Variants in GRIK4 observed in about 807,000 individuals in gnomAD.
GRIK4 encodes glutamate receptor ionotropic, kainate 4.
GRIK4 carries 40 observed loss-of-function variants against 104.9 expected under a neutral mutation model. The ratio of observed to expected loss-of-function variants is 0.38; its 90% CI spans 0.30 to 0.50. The LOEUF is 0.50. Ranked by LOEUF, GRIK4 falls within the 20% of genes least tolerant of loss-of-function variation. The probability of loss-of-function intolerance (pLI) is 0.93; values close to 1 mark genes in which losing one functional copy is unlikely to be tolerated. For synonymous variants in GRIK4, 485 were observed against 524.9 expected, an observed-to-expected ratio of 0.92 and a Z score of 1.04; for missense variants, 1,047 against 1,308.1, an observed-to-expected ratio of 0.80 and a Z score of 3.08.
intron 3 of GRIK4, among the ~76,000 whole-genome samples, chr11:120,711,239 G>A (rs1044314797): frequency 3.9e-5 from 6 of 152,196 alleles, no homozygotes; most frequent in African/African-American, 1.4e-4. Flanking sequence ...CCTTTTAAGG[G>A]CAACAGTGGG....
intron 11 of GRIK4, among the ~76,000 whole-genome samples, chr11:120,878,638 C>A (rs1954883187): frequency 7.8e-6 from 1 of 127,904 alleles, no homozygotes. Flanking sequence ...TTCAACAAAT[C>A]TAGTGAGTGT....
At chr11:120,965,600 G>A (rs2134745054) in intron 18 of GRIK4, among the ~76,000 whole-genome samples, 1 of 152,326 alleles carries the variant, frequency 6.6e-6, no homozygotes, top group South Asian at 2.1e-4. Context: ...CAGGCTTGGG[G>A]TTTGGGCGTC....
Position 120,828,599 on chromosome 11 carries a change from A to G in GRIK4, c.512-3253A>G, listed in dbSNP as rs555671002. 3.3e-5 allele frequency among the ~76,000 whole-genome samples: 5 copies of G among 152,282 alleles called. 1 individual carries two copies. The highest frequency in any genetic ancestry group is 3.3e-4 in the Admixed American group (5 of 15,308). On this transcript the variant is annotated intron_variant, in intron 6 of 20. Coordinates refer to ENST00000527524, the MANE Select transcript of GRIK4 (RefSeq NM_014619.5). ...CTGTTGCCATAGTAACCTGCCTGGC[A>G]TTGCTGGGGTTGGCACTCATGTCCC...
chr11:120,593,439 C>A (rs562047112), intron 1 of GRIK4, among the ~76,000 whole-genome samples: 1 of 152,232 alleles, frequency 6.6e-6, no homozygotes, highest in South Asian at 2.1e-4. Flanking sequence ...CAGCAGCATT[C>A]GACACTTCCC....
chr11:120,738,648 C>A (rs151059337), intron 3 of GRIK4, among the ~76,000 whole-genome samples: 2,133 of 152,304 alleles, frequency 0.014, 19 homozygotes, highest in Middle Eastern at 0.031. Flanking sequence ...ACATGCAGGG[C>A]AAGCAGGGCC....
chr11:120,907,706 A>G (rs996352074), intron 13 of GRIK4, among the ~76,000 whole-genome samples: 8 of 151,828 alleles, frequency 5.3e-5, no homozygotes, highest in African/African-American at 1.9e-4. Flanking sequence ...CAGGGGAGGC[A>G]GAGTGGAAGG....
intron 1 of GRIK4, among the ~76,000 whole-genome samples, chr11:120,609,169 C>T (rs571878704): frequency 1.3e-5 from 2 of 152,310 alleles, no homozygotes; most frequent in East Asian, 3.9e-4. Context: ...CCTGTTTGGT[C>T]CCTCTCAGAG....
At chr11:120,628,895 ATATT>A (rs1203612502) in intron 1 of GRIK4, among the ~76,000 whole-genome samples, 17 of 152,276 alleles carry the variant, frequency 1.1e-4, no homozygotes, top group African/African-American at 4.1e-4. Context: ...CCTTTTTAAA[ATATT>A]TATTAAGCAA....
At position 120,549,279 on chromosome 11, in the gene GRIK4, T is replaced by A. The variant is rs189109602; in HGVS notation, c.-159+37392T>A. 0.018 allele frequency among the ~76,000 whole-genome samples: 2,310 copies of A among 125,402 alleles called. 21 individuals are homozygous for A. Among genetic ancestry groups the A allele is most frequent in the South Asian group, 0.026 (85 of 3,296 alleles). 82.3% of individuals were successfully genotyped at this position (125,402 alleles called of 152,430 possible). ...ACACCTGGCTAATTTTTGTATATAT[T>A]TTTTTTTAAGTAAAGTCGGGCTTTC... is the stretch of plus-strand genomic sequence containing the variant. On this transcript the variant is annotated intron_variant, in intron 1 of 20. Transcript: ENST00000527524. The surrounding 1 kb of genome is among the most constrained non-coding windows in gnomAD (Gnocchi z 4.7).
chr11:120,718,061 T>C (rs753091804), intron 3 of GRIK4, among the ~76,000 whole-genome samples: 2 of 152,180 alleles, frequency 1.3e-5, no homozygotes, highest in Non-Finnish European at 2.9e-5. Context: ...CAACACCTGA[T>C]TCCAGGAAAG....
intron 11 of GRIK4, among the ~76,000 whole-genome samples, chr11:120,893,303 T>C (rs1200663838): frequency 1.3e-5 from 2 of 152,258 alleles, no homozygotes; most frequent in African/African-American, 2.4e-5. Flanking sequence ...ACATTCTATG[T>C]ACGTGCAAAC....
intron 1 of GRIK4, among the ~76,000 whole-genome samples, chr11:120,547,993 G>C (rs758218242): frequency 6.6e-5 from 10 of 152,144 alleles, no homozygotes; most frequent in Non-Finnish European, 1.5e-4. Flanking sequence ...GCTGTGGGAG[G>C]GCACACATGG....
At chr11:120,984,229 G>C (rs673351) in intron 20 of GRIK4, among the ~76,000 whole-genome samples, 35,365 of 152,008 alleles carry the variant, frequency 0.23, 4,269 homozygotes, top group African/African-American at 0.3. Flanking sequence ...GAACAACTAT[G>C]CCATTGGTAG....
chr11:120,860,459 A>C (rs766907886), intron 8 of GRIK4, among the ~76,000 whole-genome samples: 9 of 152,178 alleles, frequency 5.9e-5, no homozygotes. Context: ...GCGTTATTGC[A>C]TGAGGACCAT....
intron 13 of GRIK4, among the ~76,000 whole-genome samples, chr11:120,925,539 T>C (rs1031052998): frequency 7.2e-5 from 11 of 152,196 alleles, no homozygotes; most frequent in African/African-American, 2.4e-4. Context: ...CCAGCTGTTT[T>C]GGCAGCCAGC....
chr11:120,946,577 T>C (rs1020111380), intron 14 of GRIK4, among the ~76,000 whole-genome samples: 1 of 152,224 alleles, frequency 6.6e-6, no homozygotes, highest in Admixed American at 6.5e-5. Context: ...GGTATATGTG[T>C]AAGATGGTGG....
In GRIK4 at chr11:120,934,406, C is replaced by T. The variant is rs559695828; in HGVS notation, c.1477-5941C>T. Among the ~76,000 whole-genome samples, 6 of 152,080 alleles carry T rather than the reference C, an allele frequency of 3.9e-5. No homozygotes were observed. In the East Asian group the frequency reaches 1.2e-3, roughly 30 times the overall value. ...CTCCTCATGCCATTCTCAGGAAGCCCGGAGTGGGAGCAGGGGGCCCAGGCA... is the reference window on the plus strand; with the variant it reads ...CTCCTCATGCCATTCTCAGGAAGCCTGGAGTGGGAGCAGGGGGCCCAGGCA... On this transcript the variant is annotated intron_variant, in intron 13 of 20. Coordinates refer to ENST00000527524, the MANE Select transcript of GRIK4 (RefSeq NM_014619.5).
Position 120,819,994 on chromosome 11 carries a change from G to T in GRIK4, c.511+74G>T. 2.1e-6 allele frequency: 3 copies of T among 1,436,322 alleles called. No homozygotes were observed. Among genetic ancestry groups the T allele is most frequent in the Non-Finnish European group, 2.9e-6 (3 of 1,032,580 alleles). 89.0% of individuals were successfully genotyped at this position (1,436,322 alleles called of 1,614,324 possible). On this transcript the variant is annotated intron_variant, in intron 6 of 20. Transcript: ENST00000527524. This position sits in a 1 kb window ranked among gnomAD's most constrained non-coding sequence, Gnocchi z 4.3. ...TTTTGCCCTGATTCCCTGTGCCCCT[G>T]GCTGGAGACCCTCCAGGAAGGGGAG...
chr11:120,788,532 C>T (rs1014379252), intron 3 of GRIK4, among the ~76,000 whole-genome samples: 3 of 152,052 alleles, frequency 2.0e-5, no homozygotes, highest in Admixed American at 6.5e-5. Flanking sequence ...GGTGGCCATG[C>T]GTCTGTGTCA....
Sources: gnomAD v4.1 joint callset for allele counts (sites outside exome capture counted in the v4.1 genomes callset) on GRCh38, gnomAD v4.1.1 for gene constraint, Gnocchi (gnomAD v3.1) non-coding constraint, MANE v1.5 for transcripts, NCBI Gene and HGNC (gene_info 2026-07-23, HGNC 2026-07-21) for gene names.